The following SAXO1 variants were observed in gnomAD, a reference collection of about 807,000 sequenced individuals.
SAXO1 encodes 4930500O09Rik.
SAXO1 carries 21 observed loss-of-function variants against 17.5 expected under a neutral mutation model. That is an observed-to-expected ratio of 1.20 (90% CI 0.85 to 1.72). SAXO1 has a LOEUF of 1.72. SAXO1 is among the 40% of genes most tolerant of loss of function. The pLI is 0.00. For missense variants in SAXO1, 843 were observed against 596.0 expected (o/e 1.41, Z -4.32); for synonymous variants, 274 against 216.5 (o/e 1.27, Z -2.33).
chr9:18,991,914 G>A (rs1280333561), intron 1 of SAXO1, among the ~76,000 whole-genome samples: 7 of 152,054 alleles, frequency 4.6e-5, no homozygotes, highest in East Asian at 3.9e-4. Flanking sequence ...TTGAAGAGGC[G>A]TCTGTAAAAA....
chr9:18,974,320 T>C (rs1003948296), intron 1 of SAXO1, among the ~76,000 whole-genome samples: 1 of 152,238 alleles, frequency 6.6e-6, no homozygotes, highest in African/African-American at 2.4e-5. Context: ...CATGCAGAGA[T>C]ACGGAAACAG....
At chr9:19,034,120 C>G (rs1029614555), upstream of SAXO1, among the ~76,000 whole-genome samples, 1 of 152,198 alleles carries the variant, frequency 6.6e-6, no homozygotes, top group African/African-American at 2.4e-5. Context: ...ATTTTGACTT[C>G]CTGCTTATGG....
intron 1 of SAXO1, among the ~76,000 whole-genome samples, chr9:18,978,352 G>C (rs1397440841): frequency 5.9e-5 from 9 of 152,138 alleles, no homozygotes; most frequent in African/African-American, 2.2e-4. Flanking sequence ...ACCCTGTCCT[G>C]CCTTCTCACC....
At chr9:18,958,669 A>C (rs1031734346) in intron 1 of SAXO1, among the ~76,000 whole-genome samples, 11 of 152,092 alleles carry the variant, frequency 7.2e-5, no homozygotes, top group African/African-American at 2.7e-4. Context: ...TACCTAGATC[A>C]ATTAAGCCAC....
chr9:19,035,573 G>A (rs1835914826), upstream of SAXO1, among the ~76,000 whole-genome samples: 3 of 152,218 alleles, frequency 2.0e-5, no homozygotes, highest in South Asian at 6.2e-4. Context: ...ATAGGCAGAG[G>A]TTGGAACAGT....
At chr9:18,934,976 G>C (rs1831225459) in intron 3 of SAXO1, among the ~76,000 whole-genome samples, 1 of 151,936 alleles carries the variant, frequency 6.6e-6, no homozygotes, top group Non-Finnish European at 1.5e-5. Flanking sequence ...GCCCAGACTG[G>C]AGTGCAGTGG....
Position 19,033,150 on chromosome 9 carries a change from CCCT to C in SAXO1, c.-245_-243del. 2.2e-6 allele frequency: 1 copy of C among 452,550 alleles called. No homozygotes were observed. Among genetic ancestry groups the C allele is most frequent in the Non-Finnish European group, 3.9e-6 (1 of 255,958 alleles). 28.0% of individuals were successfully genotyped at this position (452,550 alleles called of 1,614,324 possible). A position where few individuals can be genotyped will look rare whatever the true frequency, so the allele number is the denominator to read the frequency against. ...ACGCGCGCCAGCCCGGGAGACCTCACCCTGCACGCCACCGCCCCGGCCTCCGCA... is the reference window on the plus strand; with the variant it reads ...ACGCGCGCCAGCCCGGGAGACCTCACGCACGCCACCGCCCCGGCCTCCGCA... On this transcript the variant is annotated 5_prime_UTR_variant, in exon 1 of 4. Transcript: ENST00000380534.
chr9:18,985,579 G>A (rs531818440), intron 1 of SAXO1, among the ~76,000 whole-genome samples: 18 of 152,170 alleles, frequency 1.2e-4, no homozygotes, highest in African/African-American at 3.6e-4. Context: ...AGGGCTCCTC[G>A]AGTGTACTCT....
intron 2 of SAXO1, among the ~76,000 whole-genome samples, chr9:18,948,040 T>A (rs1831867819): frequency 6.6e-6 from 1 of 152,214 alleles, no homozygotes; most frequent in South Asian, 2.1e-4. Context: ...GTGGGTGGGA[T>A]GTTCCAGTAA....
At chr9:18,980,781 G>GGAAA (rs376885211) in intron 1 of SAXO1, among the ~76,000 whole-genome samples, 1 of 83,908 alleles carries the variant, frequency 1.2e-5, no homozygotes, top group African/African-American at 5.3e-5. Context: ...TTAAAAAACT[G>GGAAA]AAAAAAAAAA....
chr9:18,937,953 G>A (rs1831368911), intron 3 of SAXO1, among the ~76,000 whole-genome samples: 1 of 151,944 alleles, frequency 6.6e-6, no homozygotes, highest in South Asian at 2.1e-4. Flanking sequence ...GTACCCATAG[G>A]TTAATCTAAC....
intron 1 of SAXO1, among the ~76,000 whole-genome samples, chr9:19,009,616 T>A (rs543047593): frequency 2.0e-5 from 3 of 152,092 alleles, no homozygotes; most frequent in Admixed American, 6.5e-5. Context: ...CAGAATGAAA[T>A]GGAACAAGCA....
At chr9:19,018,647 G>A (rs191581284) in intron 1 of SAXO1, among the ~76,000 whole-genome samples, 9 of 152,312 alleles carry the variant, frequency 5.9e-5, no homozygotes, top group Admixed American at 5.2e-4. Flanking sequence ...ATCAGGGGAC[G>A]TTGTGGAAAC....
chr9:19,043,833 C>T (rs944453131), intron 1 of SAXO1, among the ~76,000 whole-genome samples: 2 of 151,788 alleles, frequency 1.3e-5, no homozygotes, highest in African/African-American at 4.8e-5. Flanking sequence ...TTTCATTGTA[C>T]ATTCAAAAAT....
In SAXO1 at chr9:19,032,975, A is replaced by C; in HGVS notation, c.-67T>G. The C allele has an allele frequency of 6.5e-7, 1 of 1,535,470 alleles. No homozygotes were observed. The highest frequency in any genetic ancestry group is 8.8e-7 in the Non-Finnish European group (1 of 1,136,422). ...CAGCTGCAGCCGACTCCTAGACCCCAACCACCTGTCTTGGGGCACGCCCAG... is the reference window on the plus strand; with the variant it reads ...CAGCTGCAGCCGACTCCTAGACCCCCACCACCTGTCTTGGGGCACGCCCAG... On this transcript the variant is annotated 5_prime_UTR_variant, in exon 1 of 4. Transcript: ENST00000380534.
rs944247034 is a variant in SAXO1 at position 18,964,691 on chromosome 9, C to A, written c.39-13754G>T. 2.0e-5 allele frequency among the ~76,000 whole-genome samples: 3 copies of A among 152,076 alleles called. No homozygotes were observed. In the East Asian group the frequency reaches 5.8e-4, roughly 29 times the overall value. On this transcript the variant is annotated intron_variant, in intron 1 of 3. Transcript: ENST00000380534. ...CTGGCTAGTGGTCTACTTTGTTAAT[C>A]TTTTCTAAAAACTAGTTCCTGGATT...
chr9:19,048,461 GA>G (rs760337870), intron 1 of SAXO1, among the ~76,000 whole-genome samples: 6 of 127,070 alleles, frequency 4.7e-5, no homozygotes, highest in Non-Finnish European at 9.2e-5. Context: ...CGTCTCAAAA[GA>G]AAAAAAAAGG....
intron 1 of SAXO1, among the ~76,000 whole-genome samples, chr9:19,038,947 C>G (rs931766113): frequency 6.6e-6 from 1 of 151,758 alleles, no homozygotes; most frequent in African/African-American, 2.4e-5. Flanking sequence ...AATGTTTTCC[C>G]TAAAATTTTT....
At chr9:19,032,310 C>G (rs1398086434) in intron 1 of SAXO1, among the ~76,000 whole-genome samples, 1 of 152,240 alleles carries the variant, frequency 6.6e-6, no homozygotes, top group African/African-American at 2.4e-5. Context: ...ACCACCTTTA[C>G]TGCGCTTCCA....
Sources: gnomAD v4.1 joint callset for allele counts (sites outside exome capture counted in the v4.1 genomes callset) on GRCh38, gnomAD v4.1.1 for gene constraint, MANE v1.5 for transcripts, NCBI Gene and HGNC (gene_info 2026-07-23, HGNC 2026-07-21) for gene names.